The following PTPRD variants were observed in gnomAD, a reference collection of about 807,000 sequenced individuals.
The protein encoded by PTPRD is receptor-type tyrosine-protein phosphatase delta.
A neutral mutation model predicts 214.5 loss-of-function variants in PTPRD; 34 were observed. The ratio of observed to expected loss-of-function variants is 0.16; its 90% CI spans 0.12 to 0.21. The LOEUF (loss-of-function observed/expected upper bound fraction) is 0.21. Ranked by LOEUF, PTPRD falls within the 10% of genes least tolerant of loss-of-function variation. PTPRD has a pLI of 1.00. For synonymous variants in PTPRD, 1,128 were observed against 845.7 expected, an observed-to-expected ratio of 1.33 and a Z score of -5.79; for missense variants, 2,545 against 2,398.7, an observed-to-expected ratio of 1.06 and a Z score of -1.27.
At chr9:8,951,484 T>C (rs572809849) in intron 11 of PTPRD, among the ~76,000 whole-genome samples, 5 of 152,134 alleles carry the variant, frequency 3.3e-5, no homozygotes, top group Admixed American at 3.3e-4. Flanking sequence ...AAATCTAGAT[T>C]CATGTAGCTG....
intron 9 of PTPRD, among the ~76,000 whole-genome samples, chr9:9,301,027 A>G (rs1054713895): frequency 4.6e-5 from 7 of 151,790 alleles, no homozygotes; most frequent in African/African-American, 9.7e-5. Flanking sequence ...CTATGTCTCA[A>G]TGGAGCCTTA....
chr9:8,834,376 G>C (rs1450340666), intron 11 of PTPRD, among the ~76,000 whole-genome samples: 2 of 151,902 alleles, frequency 1.3e-5, no homozygotes, highest in Non-Finnish European at 2.9e-5. Context: ...CTTTTTTATA[G>C]ATAAAATGTT....
At position 9,189,926 on chromosome 9, in the gene PTPRD, G is replaced by A. The variant is rs117981542; in HGVS notation, c.-202-6563C>T. ...TTAGTGTGGCTGTGTAATTTGAGCA[G>A]AAGTATCACATGTCACTTCCATGCA... On this transcript the variant is annotated intron_variant, in intron 9 of 45. Transcript: ENST00000381196. Among the ~76,000 whole-genome samples the A allele has an allele frequency of 1.3e-3, 198 of 152,124 alleles. 5 individuals are homozygous for A. In the East Asian group the frequency reaches 0.036, roughly 27 times the overall value.
intron 3 of PTPRD, among the ~76,000 whole-genome samples, chr9:10,328,795 C>G (rs1001243411): frequency 4.6e-5 from 7 of 151,732 alleles, no homozygotes; most frequent in African/African-American, 1.5e-4. Flanking sequence ...ACTTTAGAAT[C>G]AGAAAGTAAT....
intron 8 of PTPRD, among the ~76,000 whole-genome samples, chr9:9,417,946 G>C (rs929702799): frequency 2.6e-5 from 4 of 152,094 alleles, no homozygotes; most frequent in Middle Eastern, 3.4e-3. Context: ...TATCCAATTA[G>C]ATCCTGTTTC....
intron 42 of PTPRD, 53 bp from the exon 43 acceptor site, chr9:8,339,100 G>C: frequency 1.3e-6 from 2 of 1,514,752 alleles, no homozygotes; most frequent in South Asian, 1.3e-5. Flanking sequence ...AGAACATTCT[G>C]TATATTATCT....
chr9:8,333,863 A>G (rs1028412125), intron 43 of PTPRD, among the ~76,000 whole-genome samples: 1 of 152,140 alleles, frequency 6.6e-6, no homozygotes, highest in Non-Finnish European at 1.5e-5. Context: ...GCAAAAAAAA[A>G]GAGCAGGGGT....
chr9:8,380,934 G>A (rs1193423195), intron 37 of PTPRD, among the ~76,000 whole-genome samples: 4 of 152,060 alleles, frequency 2.6e-5, no homozygotes, highest in African/African-American at 2.4e-5. Context: ...ATTTAATAAA[G>A]ACTTACTGAG....
intron 3 of PTPRD, among the ~76,000 whole-genome samples, chr9:10,182,565 T>C (rs1474036403): frequency 1.3e-5 from 2 of 152,102 alleles, no homozygotes; most frequent in Admixed American, 6.5e-5. Context: ...TTATTTAATA[T>C]TATTAATACA....
intron 3 of PTPRD, among the ~76,000 whole-genome samples, chr9:10,249,237 T>C (rs867133628): frequency 2.6e-5 from 4 of 152,122 alleles, no homozygotes; most frequent in Non-Finnish European, 5.9e-5. Flanking sequence ...AAAGACAAGA[T>C]CCAGTGATTG....
chr9:9,859,471 A>G (rs1018005599), intron 5 of PTPRD, among the ~76,000 whole-genome samples: 38 of 152,172 alleles, frequency 2.5e-4, no homozygotes, highest in African/African-American at 9.2e-4. Context: ...AAAACATGCT[A>G]TATGTTATGC....
chr9:8,769,115 G>C (rs2094996267), intron 11 of PTPRD, among the ~76,000 whole-genome samples: 2 of 152,134 alleles, frequency 1.3e-5, no homozygotes, highest in African/African-American at 4.8e-5. Flanking sequence ...TTATGTAACA[G>C]TGGAAATATT....
intron 8 of PTPRD, among the ~76,000 whole-genome samples, chr9:9,488,757 C>G (rs1488417688): frequency 6.6e-6 from 1 of 152,058 alleles, no homozygotes; most frequent in Non-Finnish European, 1.5e-5. Context: ...CTGGGAATTG[C>G]AGTTAATTTC....
At chr9:8,993,042 G>C (rs1402778214) in intron 11 of PTPRD, among the ~76,000 whole-genome samples, 1 of 152,156 alleles carries the variant, frequency 6.6e-6, no homozygotes, top group Non-Finnish European at 1.5e-5. Flanking sequence ...AACTACCAAA[G>C]ATGGCTACAG....
At chr9:9,943,739 T>C (rs906066856) in intron 4 of PTPRD, among the ~76,000 whole-genome samples, 1 of 152,060 alleles carries the variant, frequency 6.6e-6, no homozygotes, top group African/African-American at 2.4e-5. Flanking sequence ...AGGAAGAGCC[T>C]TCTAGGAAGT....
At chr9:9,972,902 CTTAA>C (rs2095193438) in intron 4 of PTPRD, among the ~76,000 whole-genome samples, 1 of 152,064 alleles carries the variant, frequency 6.6e-6, no homozygotes, top group Non-Finnish European at 1.5e-5. Flanking sequence ...TTGTAAGATC[CTTAA>C]TTAATTACAT....
At chr9:10,022,845 A>G (rs903340864) in intron 4 of PTPRD, among the ~76,000 whole-genome samples, 2 of 152,176 alleles carry the variant, frequency 1.3e-5, no homozygotes, top group African/African-American at 4.8e-5. Context: ...ATAATTCAAC[A>G]TTATAGAGCA....
At chr9:10,576,553 C>A (rs946505994) in intron 2 of PTPRD, among the ~76,000 whole-genome samples, 4 of 152,050 alleles carry the variant, frequency 2.6e-5, no homozygotes, top group African/African-American at 7.2e-5. Context: ...TAGAGCATGG[C>A]GGACTCACCT....
chr9:8,548,441 C>T (rs575421147), intron 14 of PTPRD, among the ~76,000 whole-genome samples: 1 of 152,170 alleles, frequency 6.6e-6, no homozygotes, highest in African/African-American at 2.4e-5. Context: ...AATCTCATCT[C>T]ACTGCAACCT....
Sources: gnomAD v4.1 joint callset for allele counts (sites outside exome capture counted in the v4.1 genomes callset) on GRCh38, gnomAD v4.1.1 for gene constraint, MANE v1.5 for transcripts, NCBI Gene and HGNC (gene_info 2026-07-23, HGNC 2026-07-21) for gene names.